The following CSMD3 variants were observed in gnomAD, a reference collection of about 807,000 sequenced individuals.
The protein encoded by CSMD3 is CUB and Sushi multiple domains 3.
CSMD3 carries 177 observed loss-of-function variants against 435.2 expected under a neutral mutation model. The ratio of observed to expected loss-of-function variants is 0.41; its 90% confidence interval spans 0.36 to 0.46. CSMD3 has a LOEUF of 0.46. CSMD3 is among the 20% of genes least tolerant of loss of function. CSMD3 has a pLI of 0.34. For synonymous variants in CSMD3, 1,656 were observed against 1,520.5 expected, an observed-to-expected ratio of 1.09 and a Z score of -2.07; for missense variants, 4,265 against 4,504.6, an observed-to-expected ratio of 0.95 and a Z score of 1.52.
At position 113,152,747 on chromosome 8, in the gene CSMD3, A is replaced by G. The variant is rs889381879; in HGVS notation, c.709+20975T>C. Among the ~76,000 whole-genome samples the G allele has an allele frequency of 2.6e-5, 4 of 151,912 alleles. No homozygotes were observed. The South Asian group carries it at 6.2e-4, about 24-fold the overall frequency. On this transcript the variant is annotated intron_variant, in intron 4 of 70. Transcript: ENST00000297405. ...GTAATCCCAGCACTTTGGGAGGCCA[A>G]TTGAGTGGATTGCTTGAGGCCAGGA...
rs541136127 is a variant in CSMD3, at chr8:113,211,125, T to C, written c.515-37209A>G. ...TCCCTCGCAATGACTGGAAATTGACTCAGGCGTCATGACAAATATACTCAA... is the reference window on the plus strand; with the variant it reads ...TCCCTCGCAATGACTGGAAATTGACCCAGGCGTCATGACAAATATACTCAA... On this transcript the variant is annotated intron_variant, in intron 3 of 70. Transcript: ENST00000297405. 3.3e-5 allele frequency among the ~76,000 whole-genome samples: 5 copies of C among 152,262 alleles called. No homozygotes were observed. In the South Asian group the frequency reaches 1.0e-3, roughly 32 times the overall value.
intron 36 of CSMD3, among the ~76,000 whole-genome samples, chr8:112,389,845 T>G (rs1830269455): frequency 6.6e-6 from 1 of 152,188 alleles, no homozygotes; most frequent in Admixed American, 6.5e-5. Flanking sequence ...ATATTATCAA[T>G]TCATCCAGAA....
At chr8:113,217,213 TA>T (rs11373229) in intron 3 of CSMD3, among the ~76,000 whole-genome samples, 1 of 151,268 alleles carries the variant, frequency 6.6e-6, no homozygotes. Context: ...GTTTCTGATG[TA>T]AAAAAACTCA....
At chr8:113,030,191 T>G (rs1191822024) in intron 5 of CSMD3, among the ~76,000 whole-genome samples, 2 of 151,002 alleles carry the variant, frequency 1.3e-5, no homozygotes, top group East Asian at 1.9e-4. Context: ...ATTGTGACAA[T>G]GACCATACTG....
intron 11 of CSMD3, among the ~76,000 whole-genome samples, chr8:112,836,570 C>T (rs989964160): frequency 6.6e-6 from 1 of 151,696 alleles, no homozygotes; most frequent in Non-Finnish European, 1.5e-5. Flanking sequence ...TCTTGGTTTT[C>T]AAAGAAGTAC....
At chr8:113,161,127 A>G (rs2092030942) in intron 4 of CSMD3, among the ~76,000 whole-genome samples, 1 of 152,126 alleles carries the variant, frequency 6.6e-6, no homozygotes, top group South Asian at 2.1e-4. Flanking sequence ...TTCTCTGAGC[A>G]TCTTCACATG....
chr8:112,653,660 CTTTTT>C (rs71309782), intron 18 of CSMD3, among the ~76,000 whole-genome samples: 1 of 130,166 alleles, frequency 7.7e-6, no homozygotes. Context: ...ATAATCTTAT[CTTTTT>C]TTTTTTTTTT....
At chr8:112,713,589 C>T (rs1222418683) in intron 13 of CSMD3, among the ~76,000 whole-genome samples, 1 of 151,960 alleles carries the variant, frequency 6.6e-6, no homozygotes, top group East Asian at 1.9e-4. Flanking sequence ...CACTAAGGTA[C>T]TACATGAGAA....
chr8:113,235,868 AGG>A (rs2093142102), intron 3 of CSMD3, among the ~76,000 whole-genome samples: 1 of 62,440 alleles, frequency 1.6e-5, no homozygotes, highest in Non-Finnish European at 3.1e-5. Flanking sequence ...GTAACCCTAC[AGG>A]AAGGATACCG....
chr8:112,815,305 A>G (rs2079342439), intron 12 of CSMD3, among the ~76,000 whole-genome samples: 1 of 152,148 alleles, frequency 6.6e-6, no homozygotes, highest in South Asian at 2.1e-4. Flanking sequence ...CAGAAGTTTT[A>G]ATTTATTGGC....
chr8:113,196,607 T>C (rs1478394722), intron 3 of CSMD3, among the ~76,000 whole-genome samples: 1 of 151,090 alleles, frequency 6.6e-6, no homozygotes, highest in Non-Finnish European at 1.5e-5. Context: ...GAAAAGAGAA[T>C]CAAGGCTGAA....
At chr8:112,750,234 A>G (rs1227687752) in intron 13 of CSMD3, among the ~76,000 whole-genome samples, 1 of 151,982 alleles carries the variant, frequency 6.6e-6, no homozygotes, top group East Asian at 1.9e-4. Context: ...AAAAAGAAAG[A>G]TAACTATTGA....
chr8:113,102,346 A>G (rs1564316982), intron 4 of CSMD3, among the ~76,000 whole-genome samples: 1 of 152,132 alleles, frequency 6.6e-6, no homozygotes, highest in Non-Finnish European at 1.5e-5. Flanking sequence ...AACAAAATTT[A>G]TTCATTTTGT....
chr8:112,277,653 T>C (rs1457370607), intron 59 of CSMD3, among the ~76,000 whole-genome samples: 8 of 152,094 alleles, frequency 5.3e-5, no homozygotes, highest in Admixed American at 4.6e-4. Flanking sequence ...TTCACACTGC[T>C]GAAAAAGACA....
chr8:112,325,770 A>C (rs1427705148), intron 45 of CSMD3, among the ~76,000 whole-genome samples: 1 of 152,072 alleles, frequency 6.6e-6, no homozygotes, highest in African/African-American at 2.4e-5. Context: ...TTTGGGTTCG[A>C]ATCTTATTTT....
chr8:112,297,862 T>C (rs2130731069), intron 53 of CSMD3, among the ~76,000 whole-genome samples: 1 of 152,182 alleles, frequency 6.6e-6, no homozygotes, highest in African/African-American at 2.4e-5. Flanking sequence ...GGCTTATGCC[T>C]ATAATTCCAG....
At chr8:113,278,999 C>G (rs1464673041) in intron 2 of CSMD3, among the ~76,000 whole-genome samples, 1 of 151,348 alleles carries the variant, frequency 6.6e-6, no homozygotes. Context: ...TTGGAATATA[C>G]ATTTTTAAAA....
chr8:112,308,225 T>C (rs1821628429), intron 50 of CSMD3, among the ~76,000 whole-genome samples: 1 of 152,258 alleles, frequency 6.6e-6, no homozygotes, highest in African/African-American at 2.4e-5. Flanking sequence ...GTTTATATTT[T>C]CACTTAGAAC....
intron 1 of CSMD3, among the ~76,000 whole-genome samples, chr8:113,316,748 C>G (rs930917489): frequency 2.6e-5 from 4 of 151,980 alleles, no homozygotes; most frequent in African/African-American, 9.7e-5. Flanking sequence ...TGGGGTTTCA[C>G]CATGTTGGCA....
Sources: gnomAD v4.1 joint callset for allele counts (sites outside exome capture counted in the v4.1 genomes callset) on GRCh38, gnomAD v4.1.1 for gene constraint, MANE v1.5 for transcripts, NCBI Gene and HGNC (gene_info 2026-07-23, HGNC 2026-07-21) for gene names.